Variants in SOX5 observed in about 807,000 individuals in gnomAD.
SOX5 encodes SRY-box transcription factor 5.
In SOX5, 9 loss-of-function variants were observed where a neutral mutation model predicts 92.0. The ratio of observed to expected loss-of-function variants is 0.10; its 90% CI spans 0.06 to 0.17. SOX5 has a LOEUF of 0.17. Among genes scored for constraint, SOX5 ranks in the 10% least tolerant of loss-of-function variants. The pLI is 1.00. For synonymous variants in SOX5, 344 were observed against 336.3 expected, an observed-to-expected ratio of 1.02 and a Z score of -0.25; for missense variants, 642 against 944.5, an observed-to-expected ratio of 0.68 and a Z score of 4.20.
At chr12:23,847,801 A>C (rs1306489102) in intron 2 of SOX5, among the ~76,000 whole-genome samples, 3 of 152,180 alleles carry the variant, frequency 2.0e-5, no homozygotes, top group Non-Finnish European at 4.4e-5. Flanking sequence ...TTTTATGGAC[A>C]AAGTAGCTTA....
intron 1 of SOX5, among the ~76,000 whole-genome samples, chr12:24,545,308 T>C (rs1952518497): frequency 6.6e-6 from 1 of 152,174 alleles, no homozygotes; most frequent in South Asian, 2.1e-4. Context: ...ATCCAATTAC[T>C]AATAAACTGA....
chr12:23,764,018 G>C (rs1338175080), intron 3 of SOX5, among the ~76,000 whole-genome samples: 1 of 152,016 alleles, frequency 6.6e-6, no homozygotes, highest in Non-Finnish European at 1.5e-5. Context: ...AGCAGCATGT[G>C]GGTGGGGAGA....
chr12:24,314,227 T>G (rs1052139108), intron 2 of SOX5, among the ~76,000 whole-genome samples: 1 of 152,032 alleles, frequency 6.6e-6, no homozygotes, highest in Non-Finnish European at 1.5e-5. Context: ...CTTGCGATAG[T>G]TTGCTGAGAA....
intron 1 of SOX5, among the ~76,000 whole-genome samples, chr12:24,491,194 G>C (rs536432863): frequency 6.6e-6 from 1 of 152,186 alleles, no homozygotes; most frequent in South Asian, 2.1e-4. Context: ...ACTTTGTATG[G>C]TGGGTTCTGT....
intron 7 of SOX5, among the ~76,000 whole-genome samples, chr12:23,655,354 T>TG (rs1204255992): frequency 1.3e-5 from 2 of 152,128 alleles, no homozygotes; most frequent in African/African-American, 4.8e-5. Context: ...TCATGAATTA[T>TG]GGAACTGCTT....
At chr12:23,864,864 T>C (rs1384980582) in intron 2 of SOX5, among the ~76,000 whole-genome samples, 1 of 152,236 alleles carries the variant, frequency 6.6e-6, no homozygotes, top group Non-Finnish European at 1.5e-5. Flanking sequence ...AAACTGGCTA[T>C]ACAAAAACAC....
intron 1 of SOX5, among the ~76,000 whole-genome samples, chr12:24,515,891 C>A (rs1949737309): frequency 6.6e-6 from 1 of 152,188 alleles, no homozygotes; most frequent in South Asian, 2.1e-4. Flanking sequence ...AGCTTAAACT[C>A]ACTTTAAGAG....
At chr12:24,309,549 T>C (rs920700565) in intron 2 of SOX5, among the ~76,000 whole-genome samples, 1 of 152,150 alleles carries the variant, frequency 6.6e-6, no homozygotes, top group Non-Finnish European at 1.5e-5. Flanking sequence ...AAATCAACAT[T>C]TAGACAAAAT....
At chr12:24,296,930 GACAC>G (rs34848004) in intron 2 of SOX5, among the ~76,000 whole-genome samples, 86,728 of 148,050 alleles carry the variant, frequency 0.59, 25,552 homozygotes, top group East Asian at 0.86. Context: ...TAGACAGACA[GACAC>G]ACACACACAC....
chr12:24,255,460 T>C (rs16927362), intron 3 of SOX5, among the ~76,000 whole-genome samples: 35,297 of 152,102 alleles, frequency 0.23, 4,369 homozygotes, highest in African/African-American at 0.3. Flanking sequence ...CTGTATAATT[T>C]ATCTTACCCC....
At chr12:24,406,064 A>G (rs1485853995) in intron 1 of SOX5, among the ~76,000 whole-genome samples, 1 of 151,478 alleles carries the variant, frequency 6.6e-6, no homozygotes, top group African/African-American at 2.5e-5. Flanking sequence ...CCAGAGGACA[A>G]GAGAGCTGGG....
intron 4 of SOX5, among the ~76,000 whole-genome samples, chr12:24,151,112 T>A (rs922966306): frequency 5.9e-5 from 9 of 152,090 alleles, no homozygotes; most frequent in African/African-American, 2.2e-4. Context: ...TTAATGTATT[T>A]GGTGTAAATG....
chr12:24,518,230 GGC>G (rs1949970907), intron 1 of SOX5, among the ~76,000 whole-genome samples: 1 of 151,734 alleles, frequency 6.6e-6, no homozygotes, highest in African/African-American at 2.4e-5. Context: ...CACCATGCCT[GGC>G]TAATTTTTGT....
chr12:24,164,943 T>A (rs2139040499), intron 4 of SOX5, among the ~76,000 whole-genome samples: 1 of 152,184 alleles, frequency 6.6e-6, no homozygotes, highest in Non-Finnish European at 1.5e-5. Flanking sequence ...ATATATTTTT[T>A]AAAAAGTCCA....
intron 2 of SOX5, among the ~76,000 whole-genome samples, chr12:23,880,610 A>T (rs2096977717): frequency 6.6e-6 from 1 of 152,128 alleles, no homozygotes; most frequent in African/African-American, 2.4e-5. Context: ...AAGTAAAAAT[A>T]ATACAGGGAA....
intron 4 of SOX5, among the ~76,000 whole-genome samples, chr12:24,026,820 C>T (rs1214108370): frequency 6.6e-6 from 1 of 151,980 alleles, no homozygotes; most frequent in African/African-American, 2.4e-5. Context: ...ACACCAGGCT[C>T]TGAGGACTTT....
chr12:23,912,679 C>A (rs185069298), intron 1 of SOX5, among the ~76,000 whole-genome samples: 23 of 152,268 alleles, frequency 1.5e-4, no homozygotes, highest in Admixed American at 7.2e-4. Flanking sequence ...AGTACTGATA[C>A]ATGCTACAAA....
Position 24,079,081 on chromosome 12 carries a change from T to G in SOX5, c.-2+134262A>C, listed in dbSNP as rs185225374. Among the ~76,000 whole-genome samples the G allele has an allele frequency of 4.6e-5, 7 of 152,010 alleles. No individual in the cohort carries two copies. The East Asian group carries it at 1.2e-3, about 25-fold the overall frequency. ...TCTGTCTCCCTTCCCCCATGAGTTT[T>G]GCTCTGTTCAACATCACCTCACGTA... On this transcript the variant is annotated intron_variant, in intron 4 of 4. Coordinates refer to the SOX5 transcript ENST00000446891.
chr12:24,151,294 C>T (rs1432498069), intron 4 of SOX5, among the ~76,000 whole-genome samples: 1 of 151,886 alleles, frequency 6.6e-6, no homozygotes, highest in Non-Finnish European at 1.5e-5. Context: ...ATTTCCCTTT[C>T]CAAAGTTTTA....
Sources: gnomAD v4.1 joint callset for allele counts (sites outside exome capture counted in the v4.1 genomes callset) on GRCh38, gnomAD v4.1.1 for gene constraint, MANE v1.5 for transcripts, NCBI Gene and HGNC (gene_info 2026-07-23, HGNC 2026-07-21) for gene names.